Variants in BRIP1 observed in about 807,000 individuals in gnomAD.
BRIP1 encodes Fanconi anemia group J protein.
A neutral mutation model predicts 119.7 loss-of-function variants in BRIP1; 88 were observed. The observed-to-expected ratio is 0.74, with a 90% CI of 0.62 to 0.88. The LOEUF is 0.88. Among genes scored for constraint, BRIP1 ranks in the 40% least tolerant of loss-of-function variants. BRIP1 has a pLI of 0.00. For synonymous variants in BRIP1, 443 were observed against 496.5 expected (o/e 0.89, Z 1.43); for missense variants, 1,259 against 1,455.4 (o/e 0.87, Z 2.20).
chr17:61,762,457 T>C lies in BRIP1; in HGVS notation c.2097+13944A>G, dbSNP rs1056490446. Among the ~76,000 whole-genome samples, 1 of 151,880 alleles carries C rather than the reference T, an allele frequency of 6.6e-6. No homozygotes were observed. The highest frequency in any genetic ancestry group is 2.4e-5 in the African/African-American group (1 of 41,334). On this transcript the variant is annotated intron_variant, in intron 14 of 19. Coordinates refer to ENST00000259008, the MANE Select transcript of BRIP1 (RefSeq NM_032043.3). This position sits in a 1 kb window ranked among gnomAD's most constrained non-coding sequence, Gnocchi z 4.3. ...TGGCAACCTACAGATTGGGAGAAAA[T>C]ATTTACAAGCTATATATCCAATAAG... is the stretch of plus-strand genomic sequence containing the variant.
rs116812354 is a variant in BRIP1 at position 61,790,563 on chromosome 17, A to G, written c.1473+3034T>C. 3.5e-3 allele frequency among the ~76,000 whole-genome samples: 528 copies of G among 152,186 alleles called. 1 individual carries two copies. Among genetic ancestry groups the G allele is most frequent in the African/African-American group, 0.012 (491 of 41,520 alleles). ...CTCCATCTCAAAAAAATATATATATATATCTATATGGTTGTGTTGGAAGCA... is the reference window on the plus strand; with the variant it reads ...CTCCATCTCAAAAAAATATATATATGTATCTATATGGTTGTGTTGGAAGCA... On this transcript the variant is annotated intron_variant, in intron 10 of 19. Transcript: ENST00000259008.
chr17:61,832,473 T>A lies in BRIP1; in HGVS notation c.627+14628A>T, dbSNP rs1420338713. On this transcript the variant is annotated intron_variant, in intron 6 of 19. Transcript: ENST00000259008. This position sits in a 1 kb window ranked among gnomAD's most constrained non-coding sequence, Gnocchi z 5.5. The stretch of plus-strand genomic sequence containing the variant: ...TTTTACCTAGCAGATATCATATTAA[T>A]CAAGTTATCAATCATTAATGAGAAA... Among the ~76,000 whole-genome samples the A allele has an allele frequency of 6.6e-6, 1 of 152,194 alleles. No homozygotes were observed. The highest frequency in any genetic ancestry group is 6.5e-5 in the Admixed American group (1 of 15,272).
intron 17 of BRIP1, among the ~76,000 whole-genome samples, chr17:61,702,972 C>CTTTTTT (rs61428664): frequency 5.6e-5 from 7 of 125,212 alleles, no homozygotes; most frequent in East Asian, 2.3e-4. Flanking sequence ...AGCATCTGTT[C>CTTTTTT]TTTTTTTTTT....
chr17:61,769,996 G>A lies in BRIP1; in HGVS notation c.2097+6405C>T, dbSNP rs892543093. Among the ~76,000 whole-genome samples the A allele has an allele frequency of 5.3e-5, 8 of 152,006 alleles. No homozygotes were observed. The East Asian group carries it at 9.6e-4, about 18-fold the overall frequency. Reference sequence around the variant, plus strand: ...GAGCCAAGAAAAACCCTACTGTTTCGGGCAGGAGGAGGGAAAAAAACAACC... The same window carrying A: ...GAGCCAAGAAAAACCCTACTGTTTCAGGCAGGAGGAGGGAAAAAAACAACC... On this transcript the variant is annotated intron_variant, in intron 14 of 19. Coordinates refer to ENST00000259008, the MANE Select transcript of BRIP1 (RefSeq NM_032043.3). The surrounding 1 kb of genome is among the most constrained non-coding windows in gnomAD (Gnocchi z 4.9).
chr17:61,681,131 A>G lies in BRIP1; in HGVS notation c.*2165T>C, dbSNP rs779687491. On this transcript the variant is annotated 3_prime_UTR_variant, in exon 20 of 20. Transcript: ENST00000259008. The surrounding 1 kb of genome is among the most constrained non-coding windows in gnomAD (Gnocchi z 5.1). ...CCGCATGAGGGTAACCGCCCCCACG[A>G]TTCAATTACCTCCCACTGGGTCCTT... The G allele has an allele frequency of 1.6e-5, 3 of 188,238 alleles. No homozygotes were observed. In the East Asian group the frequency reaches 2.6e-4, roughly 16 times the overall value. 11.7% of individuals were successfully genotyped at this position (188,238 alleles called of 1,614,324 possible).
rs1013128059 is a variant in BRIP1 at position 61,778,422 on chromosome 17, A to G, written c.1935+1839T>C. On this transcript the variant is annotated intron_variant, in intron 13 of 19. Coordinates refer to ENST00000259008, the MANE Select transcript of BRIP1 (RefSeq NM_032043.3). The surrounding 1 kb of genome is among the most constrained non-coding windows in gnomAD (Gnocchi z 4.4). ...CTTGAGATTGGTTGCACAACAACAT[A>G]TACATACTTAATAAGACTGAGCTGT... 7.2e-5 allele frequency among the ~76,000 whole-genome samples: 11 copies of G among 152,190 alleles called. No individual in the cohort carries two copies. The highest frequency in any genetic ancestry group is 2.4e-4 in the African/African-American group (10 of 41,462).
At position 61,730,201 on chromosome 17, in the gene BRIP1, A is replaced by T. The variant is rs2076826388; in HGVS notation, c.2379+12812T>A. 6.6e-6 allele frequency among the ~76,000 whole-genome samples: 1 copy of T among 152,168 alleles called. No individual in the cohort carries two copies. Among genetic ancestry groups the T allele is most frequent in the Admixed American group, 6.5e-5 (1 of 15,282 alleles). On this transcript the variant is annotated intron_variant, in intron 16 of 19. Coordinates refer to ENST00000259008, the MANE Select transcript of BRIP1 (RefSeq NM_032043.3). The surrounding 1 kb of genome is among the most constrained non-coding windows in gnomAD (Gnocchi z 4.3). ...AAAAACAGGAAAGAGTGATGTTGTA[A>T]ACATGGAACAGCAATATCTACTACA...
rs1434962315 is a variant in BRIP1, at chr17:61,746,108, T to A, written c.2098-1517A>T. ...ATAAGATAGTTTATTTCCTCAATTT[T>A]ACCTTTAACTATTTTTAGAAATAAA... On this transcript the variant is annotated intron_variant, in intron 14 of 19. Transcript: ENST00000259008. The surrounding 1 kb of genome is among the most constrained non-coding windows in gnomAD (Gnocchi z 4.9). Among the ~76,000 whole-genome samples the A allele has an allele frequency of 6.6e-6, 1 of 152,190 alleles. No individual in the cohort carries two copies. Among genetic ancestry groups the A allele is most frequent in the Non-Finnish European group, 1.5e-5 (1 of 67,998 alleles).
intron 10 of BRIP1, among the ~76,000 whole-genome samples, chr17:61,792,216 G>C (rs753563233): frequency 9.2e-5 from 14 of 152,166 alleles, no homozygotes; most frequent in Non-Finnish European, 1.8e-4. Flanking sequence ...AAGTAGCTGG[G>C]ACTACAGGCG....
rs1187199525 is a variant in BRIP1 at position 61,857,390 on chromosome 17, C to T, written c.206-159G>A. On this transcript the variant is annotated intron_variant, in intron 3 of 19. Coordinates refer to ENST00000259008, the MANE Select transcript of BRIP1 (RefSeq NM_032043.3). This position sits in a 1 kb window ranked among gnomAD's most constrained non-coding sequence, Gnocchi z 5.1. The stretch of plus-strand genomic sequence containing the variant: ...CTGGCAAACCTGGACAAGCTGGTCA[C>T]TTTATCTGCAGCATCAAATTAGGAC... Among the ~76,000 whole-genome samples the T allele has an allele frequency of 6.6e-6, 1 of 152,176 alleles. No individual in the cohort carries two copies. Among genetic ancestry groups the T allele is most frequent in the Non-Finnish European group, 1.5e-5 (1 of 68,038 alleles).
intron 6 of BRIP1, among the ~76,000 whole-genome samples, chr17:61,838,885 C>T (rs917862815): frequency 6.6e-6 from 1 of 151,884 alleles, no homozygotes; most frequent in African/African-American, 2.4e-5. Context: ...AAACTCATTT[C>T]AAAAGCTGCT....
chr17:61,699,942 G>T lies in BRIP1; in HGVS notation c.2493-6430C>A, dbSNP rs959725438. Among the ~76,000 whole-genome samples the T allele has an allele frequency of 3.3e-5, 5 of 152,204 alleles. No homozygotes were observed. Among genetic ancestry groups the T allele is most frequent in the Non-Finnish European group, 5.9e-5 (4 of 68,038 alleles). On this transcript the variant is annotated intron_variant, in intron 17 of 19. Transcript: ENST00000259008. The surrounding 1 kb of genome is among the most constrained non-coding windows in gnomAD (Gnocchi z 4.8). ...TTGCCACAACTCATTGCTCGGGGAAGTGTGTCCTGTGTAACTGCACTGGGA... is the reference window on the plus strand; with the variant it reads ...TTGCCACAACTCATTGCTCGGGGAATTGTGTCCTGTGTAACTGCACTGGGA...
rs1011393756 is a variant in BRIP1 at position 61,802,198 on chromosome 17, G to A, written c.919-724C>T. Among the ~76,000 whole-genome samples, 2 of 152,070 alleles carry A rather than the reference G, an allele frequency of 1.3e-5. No homozygotes were observed. Among genetic ancestry groups the A allele is most frequent in the Non-Finnish European group, 2.9e-5 (2 of 68,004 alleles). On this transcript the variant is annotated intron_variant, in intron 7 of 19. Coordinates refer to ENST00000259008, the MANE Select transcript of BRIP1 (RefSeq NM_032043.3). This position sits in a 1 kb window ranked among gnomAD's most constrained non-coding sequence, Gnocchi z 6.0. Reference sequence around the variant, plus strand: ...AAAATAACAAGAACAAGCAAGGCACGATGACAGGTGTGAGCACTTTGGGAG... The same window carrying A: ...AAAATAACAAGAACAAGCAAGGCACAATGACAGGTGTGAGCACTTTGGGAG...
At chr17:61,782,481 C>T (rs923491377) in intron 11 of BRIP1, among the ~76,000 whole-genome samples, 3 of 150,770 alleles carry the variant, frequency 2.0e-5, no homozygotes, top group Non-Finnish European at 4.4e-5. Flanking sequence ...AAAGTACAGG[C>T]AACAACAAGA....
rs1161618083 is a variant in BRIP1, at chr17:61,853,863, G to A, written c.379+3195C>T. On this transcript the variant is annotated intron_variant, in intron 4 of 19. Transcript: ENST00000259008. The surrounding 1 kb of genome is among the most constrained non-coding windows in gnomAD (Gnocchi z 4.3). ...TAAGAACACAAACTAATAAAAAATA[G>A]GCAATTATTCGAACAGACATATCAT... Among the ~76,000 whole-genome samples the A allele has an allele frequency of 2.0e-5, 3 of 152,060 alleles. No homozygotes were observed. Among genetic ancestry groups the A allele is most frequent in the Non-Finnish European group, 4.4e-5 (3 of 68,022 alleles).
rs748793974 is a variant in BRIP1 at position 61,857,090 on chromosome 17, G to A, written c.347C>T (p.Ser116Phe). ...AGTTGATGAAGTGCCATTTCTTTCA[G>A]AAGGTGGTGTGCTTGGATAGTTGAA... ...RHFNYPSTPP[S>F]ERNGTSSTCQ... Residue 116 changes from serine (S) to phenylalanine (F), a missense_variant, in exon 4 of 20, where the codon TCT (serine) becomes TTT (phenylalanine). This residue lies in a region of BRIP1 where 501 missense variants were observed against 544.0 expected (regional missense o/e 0.92). Coordinates refer to ENST00000259008, the MANE Select transcript of BRIP1 (RefSeq NM_032043.3). This position sits in a 1 kb window ranked among gnomAD's most constrained non-coding sequence, Gnocchi z 5.1. 6.2e-7 allele frequency: 1 copy of A among 1,613,980 alleles called. No individual in the cohort carries two copies. Among genetic ancestry groups the A allele is most frequent in the African/African-American group, 1.3e-5 (1 of 74,922 alleles).
intron 6 of BRIP1, among the ~76,000 whole-genome samples, chr17:61,840,338 CAG>C (rs1448832515): frequency 2.7e-5 from 3 of 110,726 alleles, no homozygotes; most frequent in Non-Finnish European, 3.4e-5. Flanking sequence ...TCCTGGGTGA[CAG>C]GGGAGACTCC....
At chr17:61,829,114 G>A (rs2890023) in intron 6 of BRIP1, among the ~76,000 whole-genome samples, 84,136 of 151,496 alleles carry the variant, frequency 0.56, 24,713 homozygotes, top group Non-Finnish European at 0.67. Flanking sequence ...TAATTACACT[G>A]AATGTAAATA....
chr17:61,731,178 G>C (rs1229690355), intron 16 of BRIP1, among the ~76,000 whole-genome samples: 2 of 151,952 alleles, frequency 1.3e-5, no homozygotes, highest in African/African-American at 4.8e-5. Context: ...GAGGTGACAA[G>C]GTTTTTTCTT....
Sources: allele counts gnomAD v4.1 joint callset (sites outside exome capture counted in the v4.1 genomes callset), GRCh38; gene constraint gnomAD v4.1.1; regional missense constraint gnomAD v4.1.1; non-coding constraint Gnocchi (gnomAD v3.1); transcripts MANE v1.5; gene names NCBI Gene and HGNC (gene_info 2026-07-23, HGNC 2026-07-21).